The following SLCO4C1 variants were observed in gnomAD, a reference collection of about 807,000 sequenced individuals.
SLCO4C1 encodes the protein organic anion transporter M1.
In SLCO4C1, 58 loss-of-function variants were observed where a neutral mutation model predicts 72.1. The ratio of observed to expected loss-of-function variants is 0.80; its 90% CI spans 0.65 to 1.00. The LOEUF (loss-of-function observed/expected upper bound fraction) is 1.00. Ranked by LOEUF, SLCO4C1 falls within the 50% of genes least tolerant of loss-of-function variation. SLCO4C1 has a pLI of 0.00. For missense variants in SLCO4C1, 898 were observed against 857.9 expected, an observed-to-expected ratio of 1.05 and a Z score of -0.58; for synonymous variants, 297 against 312.5, an observed-to-expected ratio of 0.95 and a Z score of 0.52.
In SLCO4C1 at chr5:102,268,991, A is replaced by T. The variant is rs141088059; in HGVS notation, c.802+1633T>A. On this transcript the variant is annotated intron_variant, in intron 3 of 12. Coordinates refer to ENST00000310954, the MANE Select transcript of SLCO4C1 (RefSeq NM_180991.5). ...CCCCTGCCTTTGAGCATTCTTAAAT[A>T]TATCATCCAATTGTCTCCTGACCTG... 2.5e-3 allele frequency among the ~76,000 whole-genome samples: 386 copies of T among 152,228 alleles called. 3 individuals carry two copies. Among genetic ancestry groups the T allele is most frequent in the African/African-American group, 8.9e-3 (371 of 41,542 alleles).
At chr5:102,263,554 A>G (rs1580252784) in intron 4 of SLCO4C1, 130 bp downstream of exon 4, 1 of 647,550 alleles carries the variant, frequency 1.5e-6, no homozygotes, top group East Asian at 2.9e-5. Context: ...AATTCTTTGT[A>G]TTCAATTTTG....
At chr5:102,291,805 ATTTT>A (rs1156611425) in intron 1 of SLCO4C1, among the ~76,000 whole-genome samples, 199 bp from the exon 2 acceptor site, 1 of 151,360 alleles carries the variant, frequency 6.6e-6, no homozygotes, top group African/African-American at 2.4e-5. Context: ...TTGTTTATTT[ATTTT>A]TTATTTTTAT....
chr5:102,250,094 T>C (rs566413916), intron 8 of SLCO4C1, among the ~76,000 whole-genome samples: 1 of 152,320 alleles, frequency 6.6e-6, no homozygotes, highest in East Asian at 1.9e-4. Context: ...CTATGGACTA[T>C]AGAATGTTTA....
At chr5:102,257,911 A>C in intron 7 of SLCO4C1, 32 bp downstream of exon 7, 1 of 1,574,794 alleles carries the variant, frequency 6.4e-7, no homozygotes, top group South Asian at 1.2e-5. Flanking sequence ...GTAAAGTAAA[A>C]TTTTTAGGTT....
chr5:102,263,699 A>G lies in SLCO4C1; in HGVS notation c.884T>C (p.Val295Ala), dbSNP rs762321586. The change falls in exon 4 of 13, where the codon GTT (valine) becomes GCT (alanine). Residue 295 changes from valine to alanine, a missense_variant. Coordinates refer to ENST00000310954, the MANE Select transcript of SLCO4C1 (RefSeq NM_180991.5). The part of the protein sequence containing the change: ...GGQLLTIYID[V>A]AMGESTDVTE... ...ACTGCCTTGCCTTTCTCCCATAGCA[A>G]CATCAATGTATATGGTTAGCAGTTG... 1.2e-6 allele frequency: 2 copies of G among 1,612,138 alleles called. No homozygotes were observed. Among genetic ancestry groups the G allele is most frequent in the Admixed American group, 3.3e-5 (2 of 59,778 alleles).
At chr5:102,271,245 C>T (rs1187306116) in intron 2 of SLCO4C1, among the ~76,000 whole-genome samples, 2 of 151,850 alleles carry the variant, frequency 1.3e-5, no homozygotes, top group African/African-American at 4.8e-5. Flanking sequence ...TATTTATTGT[C>T]ACTGTCATAA....
chr5:102,285,900 T>G (rs987091867), intron 2 of SLCO4C1, among the ~76,000 whole-genome samples: 3 of 152,114 alleles, frequency 2.0e-5, no homozygotes, highest in Admixed American at 6.5e-5. Flanking sequence ...CAAGCAAAAT[T>G]AAAGCTTCCT....
intron 2 of SLCO4C1, among the ~76,000 whole-genome samples, chr5:102,283,786 A>G (rs1318733392): frequency 6.6e-6 from 1 of 152,088 alleles, no homozygotes; most frequent in Non-Finnish European, 1.5e-5. Context: ...TCCACAGAAG[A>G]CAGTAAGAGT....
intron 1 of SLCO4C1, among the ~76,000 whole-genome samples, chr5:102,293,876 A>T (rs1749600025): frequency 6.6e-6 from 1 of 152,132 alleles, no homozygotes; most frequent in Admixed American, 6.5e-5. Flanking sequence ...CTGGGACTAC[A>T]GGCGTGTGCC....
chr5:102,276,883 G>T (rs1295389538), intron 2 of SLCO4C1, among the ~76,000 whole-genome samples: 1 of 152,028 alleles, frequency 6.6e-6, no homozygotes, highest in African/African-American at 2.4e-5. Context: ...AAATCCCTTG[G>T]GTACTAGAAT....
chr5:102,268,316 ATT>A (rs1304721248), intron 3 of SLCO4C1, among the ~76,000 whole-genome samples: 2 of 151,960 alleles, frequency 1.3e-5, no homozygotes, highest in Non-Finnish European at 2.9e-5. Flanking sequence ...TAGTGAATTT[ATT>A]TTTGTATTCT....
intron 6 of SLCO4C1, among the ~76,000 whole-genome samples, chr5:102,258,334 G>A (rs1306622952): frequency 6.6e-6 from 1 of 152,132 alleles, no homozygotes; most frequent in Non-Finnish European, 1.5e-5. Context: ...TGCATTTATT[G>A]CATTCCAAGG....
Position 102,257,100 on chromosome 5 carries a change from C to A in SLCO4C1, c.1469+15G>T. ...ATTCTGGTATTAATATCAAAAAGCA[C>A]TGAATTGTATTTACCCATTATATGA... is the stretch of plus-strand genomic sequence containing the variant. On this transcript the variant is annotated intron_variant, in intron 8 of 12. Transcript: ENST00000310954. The A allele has an allele frequency of 6.7e-7, 1 of 1,486,416 alleles. No individual in the cohort carries two copies. Among genetic ancestry groups the A allele is most frequent in the South Asian group, 1.4e-5 (1 of 71,138 alleles). The allele number at this position is 1,486,416 out of a possible 1,614,324, so 92.1% of individuals were successfully genotyped here.
At chr5:102,247,228 A>C in intron 10 of SLCO4C1, 24 bp downstream of exon 10, 1 of 1,459,856 alleles carries the variant, frequency 6.8e-7, no homozygotes, top group Non-Finnish European at 9.1e-7. Context: ...TTAGGGAATG[A>C]AAATTTCTCA....
chr5:102,281,379 A>G (rs2112390543), intron 2 of SLCO4C1, among the ~76,000 whole-genome samples: 1 of 152,252 alleles, frequency 6.6e-6, no homozygotes. Flanking sequence ...GATCAGAGCT[A>G]GGCAAAGGGT....
At chr5:102,265,468 T>A (rs561466956) in intron 3 of SLCO4C1, among the ~76,000 whole-genome samples, 20 of 152,306 alleles carry the variant, frequency 1.3e-4, no homozygotes, top group African/African-American at 4.8e-4. Flanking sequence ...CATTTAAGTC[T>A]CTAATCCATT....
At chr5:102,287,206 T>TTCCTAAGTTTTCTTC (rs1244624134) in intron 2 of SLCO4C1, among the ~76,000 whole-genome samples, 2 of 152,174 alleles carry the variant, frequency 1.3e-5, no homozygotes, top group Non-Finnish European at 2.9e-5. Flanking sequence ...CAGTTTCCTT[T>TTCCTAAGTTTTCTTC]TCCTAAGTTT....
chr5:102,260,514 T>C (rs1748921570), intron 5 of SLCO4C1, among the ~76,000 whole-genome samples, 195 bp from the exon 6 acceptor site: 1 of 151,436 alleles, frequency 6.6e-6, no homozygotes, highest in Non-Finnish European at 1.5e-5. Context: ...CTTCTGTTAA[T>C]AAAATTGTTC....
Position 102,236,693 on chromosome 5 carries a change from C to A in SLCO4C1, c.*165G>T. The stretch of plus-strand genomic sequence containing the variant: ...TTTGAAGGCACAGGTCTGTTTCTTG[C>A]ATAAAACAAAAACTACATAAGTAAA... On this transcript the variant is annotated 3_prime_UTR_variant, in exon 13 of 13. Coordinates refer to ENST00000310954, the MANE Select transcript of SLCO4C1 (RefSeq NM_180991.5). 2.8e-6 allele frequency: 2 copies of A among 715,362 alleles called. No homozygotes were observed. Among genetic ancestry groups the A allele is most frequent in the Non-Finnish European group, 2.1e-6 (1 of 467,344 alleles). The allele number at this position is 715,362 out of a possible 1,614,324, so 44.3% of individuals were successfully genotyped here. A position where few individuals can be genotyped will look rare whatever the true frequency, so the allele number is the denominator to read the frequency against.
Sources: gnomAD v4.1 joint callset for allele counts (sites outside exome capture counted in the v4.1 genomes callset) on GRCh38, gnomAD v4.1.1 for gene constraint, MANE v1.5 for transcripts, NCBI Gene and HGNC (gene_info 2026-07-23, HGNC 2026-07-21) for gene names.